Variants in TANGO6 observed in about 807,000 individuals in gnomAD.
The protein encoded by TANGO6 is transport and golgi organization 6 homolog.
A neutral mutation model predicts 114.2 loss-of-function variants in TANGO6; 90 were observed. That is an observed-to-expected ratio of 0.79 (90% CI 0.66 to 0.94). The LOEUF is 0.94. Among genes scored for constraint, TANGO6 ranks in the 40% least tolerant of loss-of-function variants. The probability of loss-of-function intolerance (pLI) is 0.00; values close to 1 mark genes in which losing one functional copy is unlikely to be tolerated. For missense variants in TANGO6, 1,274 were observed against 1,315.3 expected (o/e 0.97, Z 0.49); for synonymous variants, 477 against 509.8 (o/e 0.94, Z 0.87).
intron 9 of TANGO6, among the ~76,000 whole-genome samples, chr16:68,907,099 A>ATTTT (rs546359676): frequency 0.046 from 5,269 of 114,388 alleles, 161 homozygotes; most frequent in Admixed American, 0.065. Flanking sequence ...CCAGACCTTG[A>ATTTT]TTTTTTTTTT....
At chr16:68,870,828 C>T (rs1195403477) in intron 4 of TANGO6, among the ~76,000 whole-genome samples, 3 of 147,244 alleles carry the variant, frequency 2.0e-5, no homozygotes, top group East Asian at 2.0e-4. Flanking sequence ...GACGGAATTT[C>T]GCTCTTGTTG....
At chr16:68,916,838 A>T (rs1285642460) in intron 11 of TANGO6, among the ~76,000 whole-genome samples, 3 of 152,160 alleles carry the variant, frequency 2.0e-5, no homozygotes, top group African/African-American at 4.8e-5. Flanking sequence ...CTCACACAAC[A>T]TAGCCTCCTC....
chr16:69,028,270 T>C (rs1314155795), intron 16 of TANGO6, among the ~76,000 whole-genome samples: 1 of 151,800 alleles, frequency 6.6e-6, no homozygotes, highest in African/African-American at 2.4e-5. Flanking sequence ...CCTCCAAATA[T>C]TATTATTTTT....
At chr16:68,859,280 C>A (rs1373007672) in intron 1 of TANGO6, among the ~76,000 whole-genome samples, 2 of 152,202 alleles carry the variant, frequency 1.3e-5, no homozygotes, top group African/African-American at 2.4e-5. Context: ...CAGCGATCCT[C>A]CCACCTCAGC....
intron 7 of TANGO6, among the ~76,000 whole-genome samples, chr16:68,887,558 A>G (rs1258826179): frequency 2.0e-5 from 3 of 152,176 alleles, no homozygotes; most frequent in Admixed American, 2.0e-4. Flanking sequence ...TTTGTTTAAA[A>G]AGGGAAGGAT....
chr16:68,919,320 G>T, intron 12 of TANGO6, 101 bp downstream of exon 12: 1 of 1,399,588 alleles, frequency 7.1e-7, no homozygotes, highest in South Asian at 1.5e-5. Context: ...AATGGATATT[G>T]TACATAGGAG....
chr16:68,867,340 T>G lies in TANGO6; in HGVS notation c.994+120T>G, dbSNP rs1319326994. ...CCTGACTGAAACTAAACTCCATCCT[T>G]GCAGGGATTGAACAGGTTAAACTTA... On this transcript the variant is annotated intron_variant, in intron 4 of 17. Transcript: ENST00000261778. 2.3e-6 allele frequency: 3 copies of G among 1,316,480 alleles called. No individual in the cohort carries two copies. The African/African-American group carries it at 4.4e-5, about 19-fold the overall frequency. The allele number at this position is 1,316,480 out of a possible 1,614,324, so 81.5% of individuals were successfully genotyped here. A position where few individuals can be genotyped will look rare whatever the true frequency, so the allele number is the denominator to read the frequency against.
At chr16:68,921,560 G>C (rs980232934) in intron 12 of TANGO6, among the ~76,000 whole-genome samples, 4 of 143,668 alleles carry the variant, frequency 2.8e-5, no homozygotes, top group Admixed American at 2.8e-4. Context: ...GTTTTTTTTT[G>C]GTTGAATATT....
At chr16:69,003,529 A>G (rs1964063849) in intron 15 of TANGO6, among the ~76,000 whole-genome samples, 1 of 152,224 alleles carries the variant, frequency 6.6e-6, no homozygotes, top group African/African-American at 2.4e-5. Flanking sequence ...GGGAAAAGAA[A>G]ACAGATTTTA....
At chr16:68,944,945 G>A (rs568768405) in intron 14 of TANGO6, among the ~76,000 whole-genome samples, 6 of 152,248 alleles carry the variant, frequency 3.9e-5, no homozygotes, top group Admixed American at 2.6e-4. Flanking sequence ...TCAGGAGTTC[G>A]AGACCAGCCT....
chr16:69,045,096 C>T (rs918592790), intron 17 of TANGO6, among the ~76,000 whole-genome samples: 2 of 146,820 alleles, frequency 1.4e-5, no homozygotes, highest in Non-Finnish European at 3.0e-5. Context: ...GCAAAGGTTA[C>T]AGTGAGCTGA....
At chr16:69,058,523 C>T (rs1396766532) in intron 17 of TANGO6, among the ~76,000 whole-genome samples, 1 of 152,130 alleles carries the variant, frequency 6.6e-6, no homozygotes, top group Non-Finnish European at 1.5e-5. Flanking sequence ...TGAATGCAAA[C>T]CCAGGCTATC....
intron 17 of TANGO6, among the ~76,000 whole-genome samples, chr16:69,062,295 A>G (rs1341666459): frequency 6.6e-6 from 1 of 152,068 alleles, no homozygotes; most frequent in African/African-American, 2.4e-5. Flanking sequence ...CAAAGTCTAT[A>G]AAAAAGTGAC....
At chr16:68,916,364 AT>A (rs924776683) in intron 11 of TANGO6, among the ~76,000 whole-genome samples, 1 of 152,042 alleles carries the variant, frequency 6.6e-6, no homozygotes, top group Non-Finnish European at 1.5e-5. Context: ...CATGCGAGGG[AT>A]CTAGGTTGCG....
At chr16:69,055,363 T>G (rs1960017256) in intron 17 of TANGO6, among the ~76,000 whole-genome samples, 1 of 152,198 alleles carries the variant, frequency 6.6e-6, no homozygotes, top group Non-Finnish European at 1.5e-5. Flanking sequence ...ATGCTTCCCT[T>G]TCATTTCACC....
rs75651137 is a variant in TANGO6, at chr16:68,986,892, A to G, written c.2842+12724A>G. 9.5e-3 allele frequency among the ~76,000 whole-genome samples: 1,441 copies of G among 152,252 alleles called. 22 individuals are homozygous for G. Among genetic ancestry groups the G allele is most frequent in the African/African-American group, 0.033 (1,366 of 41,550 alleles). ...TGCACTCCAGCCTGGGGATAGAGTG[A>G]GACCCCTATAATCTGTCTAGAGTGG... On this transcript the variant is annotated intron_variant, in intron 15 of 17. Coordinates refer to ENST00000261778, the MANE Select transcript of TANGO6 (RefSeq NM_024562.2).
At chr16:69,036,255 C>T (rs1408485978) in intron 16 of TANGO6, among the ~76,000 whole-genome samples, 3 of 152,108 alleles carry the variant, frequency 2.0e-5, no homozygotes, top group Non-Finnish European at 4.4e-5. Flanking sequence ...ACATCCTCCC[C>T]ACTTCTAGTG....
At chr16:68,843,855 C>A in intron 1 of TANGO6, 144 bp downstream of exon 1, 2 of 730,370 alleles carry the variant, frequency 2.7e-6, no homozygotes, top group Non-Finnish European at 4.6e-6. Flanking sequence ...TGAGCATTGT[C>A]TATGCCCGTC....
intron 15 of TANGO6, among the ~76,000 whole-genome samples, chr16:69,007,573 C>A (rs893064442): frequency 6.6e-6 from 1 of 151,922 alleles, no homozygotes; most frequent in Non-Finnish European, 1.5e-5. Context: ...CCTGGATATG[C>A]CACATTTTTA....
Sources: gnomAD v4.1 joint callset for allele counts (sites outside exome capture counted in the v4.1 genomes callset) on GRCh38, gnomAD v4.1.1 for gene constraint, MANE v1.5 for transcripts, NCBI Gene and HGNC (gene_info 2026-07-23, HGNC 2026-07-21) for gene names.